The following ADGRL2 variants were observed in gnomAD, a reference collection of about 807,000 sequenced individuals.
The protein encoded by ADGRL2 is calcium-independent alpha-latrotoxin receptor 2.
ADGRL2 carries 44 observed loss-of-function variants against 157.4 expected under a neutral mutation model. The observed-to-expected ratio is 0.28, with a 90% CI of 0.22 to 0.36. The LOEUF (loss-of-function observed/expected upper bound fraction) is 0.36, where lower values mean the gene tolerates loss of function less well. ADGRL2 is among the 10% of genes least tolerant of loss of function. ADGRL2 has a pLI of 1.00. For missense variants in ADGRL2, 1,510 were observed against 1,768.9 expected (o/e 0.85, Z 2.63); for synonymous variants, 585 against 624.7 (o/e 0.94, Z 0.95).
intron 1 of ADGRL2, among the ~76,000 whole-genome samples, chr1:81,417,197 C>T (rs2077048004): frequency 6.6e-6 from 1 of 151,948 alleles, no homozygotes; most frequent in African/African-American, 2.4e-5. Context: ...ATTCTTTATC[C>T]CTTTAAATGG....
At chr1:81,749,169 C>T (rs1039317299) in intron 1 of ADGRL2, among the ~76,000 whole-genome samples, 2 of 152,046 alleles carry the variant, frequency 1.3e-5, no homozygotes, top group African/African-American at 4.8e-5. Context: ...TCTTTCTTTC[C>T]CTTCTACCTT....
At chr1:81,376,079 C>T (rs531559535) in intron 1 of ADGRL2, among the ~76,000 whole-genome samples, 2 of 152,188 alleles carry the variant, frequency 1.3e-5, no homozygotes, top group African/African-American at 2.4e-5. Flanking sequence ...CTGGCATGGG[C>T]GCTGTTGGCT....
intron 2 of ADGRL2, chr1:81,557,471 A>AAAGAAGAAAG (rs368137095): frequency 1.1e-5 from 1 of 92,738 alleles, no homozygotes; most frequent in Non-Finnish European, 2.1e-5. Context: ...AAGAAAGAAG[A>AAAGAAGAAAG]AAGAAAGAAA....
At chr1:81,462,328 G>A (rs1247940653) in intron 2 of ADGRL2, among the ~76,000 whole-genome samples, 3 of 152,176 alleles carry the variant, frequency 2.0e-5, no homozygotes, top group South Asian at 2.1e-4. Flanking sequence ...TGTTGTGGAA[G>A]GTTAGTTCTT....
At chr1:81,644,208 C>A (rs1055806178) in intron 3 of ADGRL2, among the ~76,000 whole-genome samples, 2 of 152,044 alleles carry the variant, frequency 1.3e-5, no homozygotes, top group African/African-American at 4.8e-5. Flanking sequence ...ACACCCTTTA[C>A]AAAAATTAAC....
At chr1:81,675,042 T>C (rs2082957704) in intron 3 of ADGRL2, among the ~76,000 whole-genome samples, 1 of 152,168 alleles carries the variant, frequency 6.6e-6, no homozygotes, top group Non-Finnish European at 1.5e-5. Flanking sequence ...TGCAAACGAA[T>C]ACCTTCCCAA....
chr1:81,886,927 T>C (rs12401346), intron 2 of ADGRL2, among the ~76,000 whole-genome samples: 58,190 of 151,974 alleles, frequency 0.38, 12,707 homozygotes, highest in East Asian at 0.86. Flanking sequence ...TGGTAATGGA[T>C]TAAAAGACCA....
chr1:81,442,281 T>C (rs999356724), intron 1 of ADGRL2, among the ~76,000 whole-genome samples: 2 of 152,220 alleles, frequency 1.3e-5, no homozygotes, highest in Admixed American at 1.3e-4. Context: ...TCAATTACCT[T>C]TGTTTCCTTA....
At chr1:81,388,966 C>G (rs559697619) in intron 1 of ADGRL2, among the ~76,000 whole-genome samples, 3 of 152,096 alleles carry the variant, frequency 2.0e-5, no homozygotes, top group East Asian at 3.9e-4. Context: ...TTGAAGACCC[C>G]CAAAGAGTCT....
intron 1 of ADGRL2, among the ~76,000 whole-genome samples, chr1:81,732,646 G>A (rs2084764629): frequency 6.6e-6 from 1 of 152,118 alleles, no homozygotes; most frequent in Admixed American, 6.5e-5. Context: ...ACACTTAGGA[G>A]TTTAAGGGTT....
At chr1:81,676,701 T>A (rs1312123098) in intron 3 of ADGRL2, among the ~76,000 whole-genome samples, 1 of 152,148 alleles carries the variant, frequency 6.6e-6, no homozygotes, top group East Asian at 1.9e-4. Flanking sequence ...TATTTTATTT[T>A]TTTTGAGACG....
At chr1:81,463,669 A>G (rs2077988177) in intron 2 of ADGRL2, among the ~76,000 whole-genome samples, 1 of 152,176 alleles carries the variant, frequency 6.6e-6, no homozygotes, top group Admixed American at 6.5e-5. Flanking sequence ...TAGTTACCTA[A>G]ATTAGTAAAA....
At chr1:81,673,860 A>G (rs1434442455) in intron 3 of ADGRL2, among the ~76,000 whole-genome samples, 3 of 152,130 alleles carry the variant, frequency 2.0e-5, no homozygotes, top group African/African-American at 7.2e-5. Flanking sequence ...TCTAACCAGT[A>G]TGTTCTAATA....
intron 2 of ADGRL2, among the ~76,000 whole-genome samples, chr1:81,514,362 G>A (rs999187488): frequency 6.6e-6 from 1 of 152,076 alleles, no homozygotes. Context: ...TGCATAGTTC[G>A]AATGAATTAA....
At chr1:81,373,973 A>G (rs2076203346) in intron 1 of ADGRL2, among the ~76,000 whole-genome samples, 1 of 152,196 alleles carries the variant, frequency 6.6e-6, no homozygotes, top group Non-Finnish European at 1.5e-5. Flanking sequence ...TAATCACATC[A>G]CATAAATCTT....
intron 3 of ADGRL2, among the ~76,000 whole-genome samples, chr1:81,615,815 C>T (rs760987410): frequency 8.5e-5 from 13 of 152,078 alleles, no homozygotes; most frequent in African/African-American, 3.1e-4. Flanking sequence ...AAGCTAAAAC[C>T]TAGTTGGGAT....
intron 2 of ADGRL2, among the ~76,000 whole-genome samples, chr1:81,554,588 C>T (rs1482937317): frequency 6.6e-6 from 1 of 151,170 alleles, no homozygotes; most frequent in Non-Finnish European, 1.5e-5. Context: ...AGAATAGTTC[C>T]CAATCTTTTC....
intron 2 of ADGRL2, among the ~76,000 whole-genome samples, chr1:81,790,708 A>G (rs937910512): frequency 6.6e-6 from 1 of 152,238 alleles, no homozygotes; most frequent in African/African-American, 2.4e-5. Context: ...AACTACAGCT[A>G]GACACTGAAA....
At chr1:81,804,597 A>G (rs1403265741) in intron 1 of ADGRL2, among the ~76,000 whole-genome samples, 1 of 152,242 alleles carries the variant, frequency 6.6e-6, no homozygotes, top group African/African-American at 2.4e-5. Flanking sequence ...GGCCAAAAAC[A>G]TTGTCTATTG....
Sources: gnomAD v4.1 joint callset for allele counts (sites outside exome capture counted in the v4.1 genomes callset) on GRCh38, gnomAD v4.1.1 for gene constraint, MANE v1.5 for transcripts, NCBI Gene and HGNC (gene_info 2026-07-23, HGNC 2026-07-21) for gene names.